Variants in CYFIP2 observed in about 807,000 individuals in gnomAD.
CYFIP2 encodes cytoplasmic FMR1 interacting protein 2, also known as cytoplasmic FMR1-interacting protein 2.
In CYFIP2, 29 loss-of-function variants were observed where a neutral mutation model predicts 158.7. That is an observed-to-expected ratio of 0.18 (90% CI 0.14 to 0.25). The LOEUF is 0.25. Ranked by LOEUF, CYFIP2 falls within the 10% of genes least tolerant of loss-of-function variation. CYFIP2 has a pLI of 1.00. For synonymous variants in CYFIP2, 585 were observed against 617.6 expected (o/e 0.95, Z 0.78); for missense variants, 852 against 1,639.5 (o/e 0.52, Z 8.29).
chr5:157,345,757 G>A (rs1762639841), intron 23 of CYFIP2: 1 of 152,616 alleles, frequency 6.6e-6, no homozygotes, highest in African/African-American at 2.4e-5. Context: ...TACGCACGAT[G>A]CTTTCAGGGA....
chr5:157,382,395 T>C (rs1766214426), intron 26 of CYFIP2, among the ~76,000 whole-genome samples, 195 bp from the exon 27 acceptor site: 1 of 152,250 alleles, frequency 6.6e-6, no homozygotes, highest in African/African-American at 2.4e-5. Flanking sequence ...AAATAGGTAC[T>C]GTTCTCATCC....
At chr5:157,335,395 A>T (rs1370118960) in intron 21 of CYFIP2, among the ~76,000 whole-genome samples, 1 of 152,164 alleles carries the variant, frequency 6.6e-6, no homozygotes, top group East Asian at 1.9e-4. Flanking sequence ...CTCCTGCCTC[A>T]GCCTCCTGAG....
chr5:157,318,295 T>G (rs1760313080), intron 13 of CYFIP2, among the ~76,000 whole-genome samples: 1 of 152,244 alleles, frequency 6.6e-6, no homozygotes, highest in Non-Finnish European at 1.5e-5. Context: ...TTGCCTTGTC[T>G]AGAGTTGTAA....
chr5:157,367,823 C>G (rs928172525), intron 26 of CYFIP2, among the ~76,000 whole-genome samples: 2 of 144,190 alleles, frequency 1.4e-5, no homozygotes, highest in African/African-American at 2.6e-5. Flanking sequence ...GGCATGATCT[C>G]GGCTCACTGT....
chr5:157,288,652 C>T (rs1436064277), intron 3 of CYFIP2: 1 of 455,538 alleles, frequency 2.2e-6, no homozygotes, highest in South Asian at 1.6e-5. Flanking sequence ...TGACATCAAC[C>T]CTGTGAGGTA....
intron 23 of CYFIP2, among the ~76,000 whole-genome samples, chr5:157,344,049 C>T (rs1762497687): frequency 1.3e-5 from 2 of 152,102 alleles, no homozygotes; most frequent in South Asian, 2.1e-4. Context: ...TTTTTTTAGC[C>T]TCCTGGTTCT....
intron 21 of CYFIP2, among the ~76,000 whole-genome samples, chr5:157,336,136 G>A (rs562776132): frequency 1.3e-5 from 2 of 152,170 alleles, no homozygotes; most frequent in South Asian, 4.2e-4. Context: ...TGAGGAATGA[G>A]CTCCCCTCAG....
At chr5:157,330,054 C>A (rs949277976) in intron 19 of CYFIP2, among the ~76,000 whole-genome samples, 1 of 152,170 alleles carries the variant, frequency 6.6e-6, no homozygotes. Context: ...TGATAGTGTT[C>A]CCTTAGATCT....
chr5:157,283,182 CTGTT>C (rs1414615736), intron 1 of CYFIP2, among the ~76,000 whole-genome samples: 1 of 152,154 alleles, frequency 6.6e-6, no homozygotes, highest in Non-Finnish European at 1.5e-5. Context: ...TGCCGAGGTT[CTGTT>C]TGTTCATCTA....
intron 10 of CYFIP2, among the ~76,000 whole-genome samples, chr5:157,310,442 C>G (rs889123158): frequency 5.9e-5 from 9 of 152,176 alleles, no homozygotes; most frequent in African/African-American, 1.9e-4. Flanking sequence ...ACCAGCCGTC[C>G]TTTAGTCAAG....
At chr5:157,373,463 T>G (rs1181326100) in intron 26 of CYFIP2, among the ~76,000 whole-genome samples, 1 of 152,208 alleles carries the variant, frequency 6.6e-6, no homozygotes, top group African/African-American at 2.4e-5. Context: ...GGGTTTGGAA[T>G]GTTATCTGAT....
chr5:157,325,965 G>T (rs1004596904), intron 17 of CYFIP2: 1 of 565,054 alleles, frequency 1.8e-6, no homozygotes, highest in Non-Finnish European at 3.1e-6. Context: ...TACAAGTCTT[G>T]GTTTTATTTG....
intron 9 of CYFIP2, among the ~76,000 whole-genome samples, chr5:157,308,689 T>C (rs1415141416): frequency 6.6e-6 from 1 of 152,140 alleles, no homozygotes; most frequent in African/African-American, 2.4e-5. Flanking sequence ...GGAACATAAG[T>C]CACTAAGAGG....
In CYFIP2 at chr5:157,395,288, T is replaced by TG. The variant is rs1581223079; in HGVS notation, c.*2288_*2289insG. 7.2e-6 allele frequency: 2 copies of TG among 276,980 alleles called. No individual in the cohort carries two copies. The highest frequency in any genetic ancestry group is 1.4e-5 in the Non-Finnish European group (2 of 145,090). 17.2% of individuals were successfully genotyped at this position (276,980 alleles called of 1,614,324 possible). On this transcript the variant is annotated 3_prime_UTR_variant, in exon 31 of 31. Transcript: ENST00000620254. The stretch of plus-strand genomic sequence containing the variant: ...CTGCCCCAGCCTCTTTTTATTTTTT[T>TG]TGTGTGTGTCTAATAACCAGGAAAA...
chr5:157,307,142 T>C (rs1004043373), intron 8 of CYFIP2, among the ~76,000 whole-genome samples: 12 of 152,030 alleles, frequency 7.9e-5, no homozygotes, highest in Non-Finnish European at 1.5e-4. Flanking sequence ...CAGGAAGAGA[T>C]TTTTTTTAAA....
At chr5:157,331,833 A>G (rs1324653984) in intron 20 of CYFIP2, among the ~76,000 whole-genome samples, 1 of 152,214 alleles carries the variant, frequency 6.6e-6, no homozygotes, top group Non-Finnish European at 1.5e-5. Context: ...GAGAAGTTGA[A>G]AAATAAAATA....
chr5:157,371,791 G>C (rs1472611507), intron 26 of CYFIP2, among the ~76,000 whole-genome samples: 1 of 152,136 alleles, frequency 6.6e-6, no homozygotes, highest in African/African-American at 2.4e-5. Flanking sequence ...ATTCTGATGT[G>C]AGTTCCTTAC....
rs947450188 is a variant in CYFIP2 at position 157,291,794 on chromosome 5, A to T, written c.208-2989A>T. On this transcript the variant is annotated intron_variant, in intron 3 of 30. Coordinates refer to ENST00000620254, the MANE Select transcript of CYFIP2 (RefSeq NM_001037333.3). ...GTCATAAGTAAATTGATCTGCTGTT[A>T]TACTAATAAGATATTATGAAATGGT... is the stretch of plus-strand genomic sequence containing the variant. Among the ~76,000 whole-genome samples, 25 of 152,272 alleles carry T rather than the reference A, an allele frequency of 1.6e-4. 1 individual carries two copies. The highest frequency in any genetic ancestry group is 1.3e-4 in the Admixed American group (2 of 15,290).
chr5:157,354,005 G>A (rs1436302654), intron 23 of CYFIP2, among the ~76,000 whole-genome samples: 1 of 152,084 alleles, frequency 6.6e-6, no homozygotes, highest in Non-Finnish European at 1.5e-5. Context: ...TGGCTAAAAT[G>A]GTGAATTTTA....
Sources: gnomAD v4.1 joint callset for allele counts (sites outside exome capture counted in the v4.1 genomes callset) on GRCh38, gnomAD v4.1.1 for gene constraint, MANE v1.5 for transcripts, NCBI Gene and HGNC (gene_info 2026-07-23, HGNC 2026-07-21) for gene names.